Variants in NTM observed in about 807,000 individuals in gnomAD.
NTM encodes the protein neurotrimin.
A neutral mutation model predicts 42.1 loss-of-function variants in NTM; 13 were observed. That is an observed-to-expected ratio of 0.31 (90% confidence interval 0.20 to 0.49). The LOEUF (loss-of-function observed/expected upper bound fraction) is 0.49, where lower values mean the gene tolerates loss of function less well. Among genes scored for constraint, NTM ranks in the 20% least tolerant of loss-of-function variants. The pLI is 0.99. For missense variants in NTM, 373 were observed against 452.8 expected, an observed-to-expected ratio of 0.82 and a Z score of 1.60; for synonymous variants, 187 against 179.2, an observed-to-expected ratio of 1.04 and a Z score of -0.35.
chr11:132,006,583 G>T (rs1406991122), intron 2 of NTM, among the ~76,000 whole-genome samples: 5 of 152,224 alleles, frequency 3.3e-5, no homozygotes, highest in Non-Finnish European at 5.9e-5. Flanking sequence ...AGACAGCCCT[G>T]GAAGAGGCAG....
intron 2 of NTM, among the ~76,000 whole-genome samples, chr11:131,950,573 G>A (rs531888899): frequency 2.1e-4 from 32 of 152,226 alleles, no homozygotes; most frequent in Middle Eastern, 3.4e-3. Flanking sequence ...AAAGAACAGA[G>A]TCTGGTCAAA....
intron 7 of NTM, among the ~76,000 whole-genome samples, chr11:132,317,249 AG>A (rs2095453005): frequency 6.6e-6 from 1 of 152,148 alleles, no homozygotes; most frequent in African/African-American, 2.4e-5. Context: ...CCGTGGTGCC[AG>A]GGGCAAAAAT....
intron 1 of NTM, among the ~76,000 whole-genome samples, chr11:131,511,637 T>C (rs1591885948): frequency 6.8e-6 from 1 of 147,612 alleles, no homozygotes; most frequent in Non-Finnish European, 1.5e-5. Flanking sequence ...TGCTTAGGAT[T>C]GATTTTCCTC....
At chr11:131,424,600 C>CTTTTCTTT (rs1555108116) in intron 1 of NTM, among the ~76,000 whole-genome samples, 5 of 56,048 alleles carry the variant, frequency 8.9e-5, no homozygotes, top group African/African-American at 2.9e-4. Flanking sequence ...CTTTTCTTTT[C>CTTTTCTTT]TTTTTTTTTT....
At chr11:131,965,358 T>G (rs985649815) in intron 2 of NTM, among the ~76,000 whole-genome samples, 2 of 151,912 alleles carry the variant, frequency 1.3e-5, no homozygotes, top group Non-Finnish European at 2.9e-5. Flanking sequence ...GGAAATAACT[T>G]ATAGAGTGAG....
At chr11:131,840,656 G>C (rs571600941) in intron 1 of NTM, among the ~76,000 whole-genome samples, 1 of 152,174 alleles carries the variant, frequency 6.6e-6, no homozygotes, top group Non-Finnish European at 1.5e-5. Flanking sequence ...ATATTTTAAA[G>C]AAGTGAAATG....
intron 2 of NTM, among the ~76,000 whole-genome samples, chr11:131,972,042 C>CAAAGAAAAAAAAAA (rs2063618932): frequency 2.4e-4 from 14 of 57,842 alleles, no homozygotes; most frequent in African/African-American, 9.5e-4. Flanking sequence ...GACTCCGTCT[C>CAAAGAAAAAAAAAA]AAAAAAAAAA....
At chr11:131,946,965 G>C (rs1036602123) in intron 2 of NTM, among the ~76,000 whole-genome samples, 2 of 152,084 alleles carry the variant, frequency 1.3e-5, no homozygotes, top group African/African-American at 4.8e-5. Flanking sequence ...AGGACTAATG[G>C]TATACAAATT....
intron 2 of NTM, among the ~76,000 whole-genome samples, chr11:131,951,869 C>A (rs1414654093): frequency 4.0e-5 from 6 of 151,070 alleles, no homozygotes; most frequent in African/African-American, 1.5e-4. Flanking sequence ...ACTACTCCCA[C>A]CTCATAGGCC....
chr11:132,115,989 G>T (rs1320845988), intron 2 of NTM, among the ~76,000 whole-genome samples: 1 of 152,174 alleles, frequency 6.6e-6, no homozygotes. Flanking sequence ...TTGGTTGACT[G>T]CTATAGCTTC....
chr11:131,854,919 A>G (rs1324594570), intron 1 of NTM, among the ~76,000 whole-genome samples: 1 of 152,144 alleles, frequency 6.6e-6, no homozygotes, highest in Non-Finnish European at 1.5e-5. Flanking sequence ...CTGCTTAGCA[A>G]ATAATACATA....
At chr11:132,118,322 G>A (rs138725247) in intron 2 of NTM, among the ~76,000 whole-genome samples, 24 of 152,214 alleles carry the variant, frequency 1.6e-4, no homozygotes, top group African/African-American at 5.3e-4. Context: ...TTCCTCCTTA[G>A]GTGAATGGTT....
chr11:131,941,194 T>C (rs895525679), intron 2 of NTM, among the ~76,000 whole-genome samples: 10 of 152,234 alleles, frequency 6.6e-5, no homozygotes, highest in African/African-American at 2.4e-4. Flanking sequence ...TTAGCTGACA[T>C]TTTTCAATAT....
intron 2 of NTM, among the ~76,000 whole-genome samples, chr11:131,976,402 T>G (rs2064390710): frequency 6.6e-6 from 1 of 152,172 alleles, no homozygotes; most frequent in Non-Finnish European, 1.5e-5. Context: ...TGACTCTTCC[T>G]TCTCAGTTGC....
chr11:131,910,473 G>T (rs2054591547), intron 1 of NTM, among the ~76,000 whole-genome samples: 1 of 151,474 alleles, frequency 6.6e-6, no homozygotes, highest in South Asian at 2.1e-4. Flanking sequence ...CGCGCCCCGC[G>T]CCCCGCGCCC....
chr11:132,167,343 G>C (rs1354137298), intron 3 of NTM, among the ~76,000 whole-genome samples: 1 of 151,790 alleles, frequency 6.6e-6, no homozygotes, highest in Non-Finnish European at 1.5e-5. Context: ...TGGGATTACA[G>C]GTGTGAGCCA....
At chr11:131,831,472 C>T (rs1404592576) in intron 1 of NTM, among the ~76,000 whole-genome samples, 3 of 152,152 alleles carry the variant, frequency 2.0e-5, no homozygotes, top group African/African-American at 4.8e-5. Flanking sequence ...ATGCCGTCCA[C>T]ACACCAGAAC....
intron 2 of NTM, among the ~76,000 whole-genome samples, chr11:132,053,161 A>AG (rs1164963850): frequency 6.6e-6 from 1 of 152,190 alleles, no homozygotes; most frequent in Non-Finnish European, 1.5e-5. Flanking sequence ...TGGCCTTATC[A>AG]GGGGGTAGCT....
intron 4 of NTM, among the ~76,000 whole-genome samples, chr11:132,290,040 G>A (rs2094401463): frequency 3.3e-5 from 5 of 152,166 alleles, no homozygotes. Context: ...CAGGACATTT[G>A]CCGCTATATT....
Sources: allele counts gnomAD v4.1 joint callset (sites outside exome capture counted in the v4.1 genomes callset), GRCh38; gene constraint gnomAD v4.1.1; transcripts MANE v1.5; gene names NCBI Gene and HGNC (gene_info 2026-07-23, HGNC 2026-07-21).